The following CC2D1B variants were observed in gnomAD, a reference collection of about 807,000 sequenced individuals.
The protein encoded by CC2D1B is coiled-coil and C2 domain containing 1B, also known as coiled-coil and C2 domain-containing protein 1B.
In CC2D1B, 92 loss-of-function variants were observed where a neutral mutation model predicts 110.8. The ratio of observed to expected loss-of-function variants is 0.83; its 90% CI spans 0.70 to 0.99. CC2D1B has a LOEUF of 0.99. Among genes scored for constraint, CC2D1B ranks in the 50% least tolerant of loss-of-function variants. The pLI is 0.00. For synonymous variants in CC2D1B, 406 were observed against 429.2 expected (o/e 0.95, Z 0.67); for missense variants, 1,136 against 1,089.0 (o/e 1.04, Z -0.61).
intron 2 of CC2D1B, among the ~76,000 whole-genome samples, chr1:52,363,393 T>TC (rs1259848787): frequency 6.1e-4 from 69 of 113,052 alleles, no homozygotes; most frequent in African/African-American, 2.4e-3. Flanking sequence ...AGACTCCGTC[T>TC]CAAAAAAAAA....
At position 52,352,538 on chromosome 1, in the gene CC2D1B, A is replaced by G. The variant is rs548039561; in HGVS notation, c.*687T>C. The stretch of plus-strand genomic sequence containing the variant: ...CTAGATAAATAAACGTGTCTACATA[A>G]AATTTTATATATATATTTTTTCTTC... On this transcript the variant is annotated 3_prime_UTR_variant, in exon 25 of 25. Coordinates refer to ENST00000284376, the MANE Select transcript of CC2D1B (RefSeq NM_001330585.2). The G allele has an allele frequency of 2.8e-4, 43 of 152,750 alleles. No homozygotes were observed. The highest frequency in any genetic ancestry group is 1.0e-3 in the African/African-American group (42 of 41,576). The allele number at this position is 152,750 out of a possible 1,614,324, so 9.5% of individuals were successfully genotyped here.
intron 2 of CC2D1B, among the ~76,000 whole-genome samples, chr1:52,363,352 G>A (rs1557556830): frequency 2.1e-5 from 3 of 144,914 alleles, no homozygotes; most frequent in Non-Finnish European, 4.5e-5. Flanking sequence ...CCAAGATGGC[G>A]CCACTGCACT....
At position 52,357,831 on chromosome 1, in the gene CC2D1B, C is replaced by A. The variant is rs748930847; in HGVS notation, c.1529G>T (p.Arg510Leu). ...PARPTVPSSQ[R>L]LPEPRASSSK... ...ACTTGAGGCCCTGGGCTCAGGCAGG[C>A]GCTGGGATGAAGGGACTGTGGGCCG... The change falls in exon 14 of 25, where the codon CGC becomes CTC. Residue 510 changes from arginine to leucine, a missense_variant. Physicochemically the swap from Arg to Leu is moderately radical, Grantham distance 102. Coordinates refer to ENST00000284376, the MANE Select transcript of CC2D1B (RefSeq NM_001330585.2). 1.6e-5 allele frequency: 26 copies of A among 1,593,802 alleles called. No homozygotes were observed. The highest frequency in any genetic ancestry group is 2.1e-5 in the Non-Finnish European group (24 of 1,170,620).
At chr1:52,359,392 G>T (rs917873757) in intron 9 of CC2D1B, 35 bp from the exon 10 acceptor site, 2 of 1,612,524 alleles carry the variant, frequency 1.2e-6, no homozygotes, top group Admixed American at 1.7e-5. Flanking sequence ...AGGTGGGAGG[G>T]CCTGGCCAGC....
chr1:52,356,440 C>G lies in CC2D1B; in HGVS notation c.1881G>C (p.Lys627Asn), dbSNP rs1156771247. 1 of 1,614,242 alleles carries G rather than the reference C, an allele frequency of 6.2e-7. No individual in the cohort carries two copies. Among genetic ancestry groups the G allele is most frequent in the Admixed American group, 1.7e-5 (1 of 60,030 alleles). The change falls in exon 17 of 25, where the codon AAG (lysine) becomes AAC (asparagine). Residue 627 changes from lysine (K) to asparagine (N), a missense_variant and splice_region_variant. Lys to Asn is a moderately conservative substitution (Grantham distance 94). Transcript: ENST00000284376. The stretch of plus-strand genomic sequence containing the variant: ...TGAACTGCTTGGAGAACAGCAGGCA[C>G]TTCTGAAAATAGAGGCCCAGAGTGA... Reference protein sequence around the residue: ...LQKMLLEQQEKCLLFSKQFMH... With the variant: ...LQKMLLEQQENCLLFSKQFMH...
intron 23 of CC2D1B, 198 bp from the exon 24 acceptor site, chr1:52,353,845 A>T: frequency 1.9e-6 from 1 of 519,558 alleles, no homozygotes; most frequent in Non-Finnish European, 3.4e-6. Flanking sequence ...GTCTTATTAA[A>T]AAAGTAATAA....
At position 52,355,776 on chromosome 1, in the gene CC2D1B, G is replaced by T. The variant is rs769517590; in HGVS notation, c.2123C>A (p.Pro708His). The change falls in exon 19 of 25, where the codon CCT becomes CAT. Residue 708 changes from proline (P) to histidine (H), a missense_variant. Transcript: ENST00000284376. Reference protein sequence around the residue: ...IIVRGMNLPAPPGVTPDDLDA... With the variant: ...IIVRGMNLPAHPGVTPDDLDA... ...AGGGGCGGCCCTAGGGTTACCTGGA[G>T]GGGCTGGGAGGTTCATTCCCCGGAC... 6 of 1,614,154 alleles carry T rather than the reference G, an allele frequency of 3.7e-6. No homozygotes were observed. The South Asian group carries it at 6.6e-5, about 18-fold the overall frequency.
At position 52,364,646 on chromosome 1, in the gene CC2D1B, T is replaced by C. The variant is rs200621327; in HGVS notation, c.-14-12A>G. On this transcript the variant is annotated splice_polypyrimidine_tract_variant and intron_variant, in intron 1 of 24. Transcript: ENST00000284376. ...GGCAGCCTAGATACCTATGGAAGAG[T>C]TACAGAGATTCAGGCTGGAGTAGCC... is the stretch of plus-strand genomic sequence containing the variant. 1.3e-6 allele frequency: 2 copies of C among 1,575,696 alleles called. No homozygotes were observed. Among genetic ancestry groups the C allele is most frequent in the East Asian group, 4.5e-5 (2 of 44,196 alleles).
At chr1:52,356,536 T>A in intron 16 of CC2D1B, 94 bp from the exon 17 acceptor site, 3 of 1,339,662 alleles carry the variant, frequency 2.2e-6, no homozygotes, top group Non-Finnish European at 3.2e-6. Flanking sequence ...TCAACTTTCC[T>A]CTGTAGCCTC....
Position 52,358,417 on chromosome 1 carries a change from C to G in CC2D1B, c.1375G>C (p.Glu459Gln). ...PGLESTMGVE[E>Q]DAVAATLAAA... ...GCCAATGTCGCTGCCACTGCGTCCT[C>G]CTCAACACCCATAGTGGACTCCAGG... is the stretch of plus-strand genomic sequence containing the variant. The change falls in exon 13 of 25, where the codon GAG (glutamate) becomes CAG (glutamine). Residue 459 changes from glutamate to glutamine, a missense_variant. By Grantham distance (29) the Glu-to-Gln change is conservative. Transcript: ENST00000284376. 6.2e-7 allele frequency: 1 copy of G among 1,614,148 alleles called. No homozygotes were observed. Among genetic ancestry groups the G allele is most frequent in the East Asian group, 2.2e-5 (1 of 44,872 alleles).
chr1:52,364,417 C>G lies in CC2D1B; in HGVS notation c.69+135G>C, dbSNP rs150173791. Reference sequence around the variant, plus strand: ...AGACTAGTAGGAGGGTGTCTAAGGGCTCTGCCACCTCCAGGAGGCACTGCT... The same window carrying G: ...AGACTAGTAGGAGGGTGTCTAAGGGGTCTGCCACCTCCAGGAGGCACTGCT... On this transcript the variant is annotated intron_variant, in intron 2 of 24. Coordinates refer to ENST00000284376, the MANE Select transcript of CC2D1B (RefSeq NM_001330585.2). The G allele has an allele frequency of 6.8e-4, 354 of 519,314 alleles. 3 individuals carry two copies. The East Asian group carries it at 0.01, about 15-fold the overall frequency. The allele number at this position is 519,314 out of a possible 1,614,324, so 32.2% of individuals were successfully genotyped here.
chr1:52,356,377 C>CACTT lies in CC2D1B; in HGVS notation c.1937+3_1937+6dup, dbSNP rs759149174. The stretch of plus-strand genomic sequence containing the variant: ...CCTATGAGCCCAGCCCCAGCCCTTG[C>CACTT]ACTTACCGGGTGGTCTCAGCCACGT... On this transcript the variant is annotated splice_region_variant and intron_variant, in intron 17 of 24. Transcript: ENST00000284376. 31 of 1,614,214 alleles carry CACTT rather than the reference C, an allele frequency of 1.9e-5. No individual in the cohort carries two copies. In the South Asian group the frequency reaches 3.2e-4, roughly 17 times the overall value.
rs763802207 is a variant in CC2D1B at position 52,359,743 on chromosome 1, C to T, written c.904G>A (p.Glu302Lys). 6.2e-7 allele frequency: 1 copy of T among 1,609,558 alleles called. No homozygotes were observed. Among genetic ancestry groups the T allele is most frequent in the South Asian group, 1.1e-5 (1 of 90,076 alleles). ...VAALSAKRAG[E>K]LDRARELMRI... The stretch of plus-strand genomic sequence containing the variant: ...ATGAGCTCTCGGGCACGGTCTAGCT[C>T]TCCAGCCCGCTTGGCACTGAGGGCA... The change falls in exon 8 of 25, where the codon GAG becomes AAG. Residue 302 changes from glutamate (E) to lysine (K), a missense_variant. Coordinates refer to ENST00000284376, the MANE Select transcript of CC2D1B (RefSeq NM_001330585.2).
Position 52,355,456 on chromosome 1 carries a change from A to G in CC2D1B, c.2188-7T>C. ...TGCTTTTTTGAGCCTGGTCCTAAGCAGTGAGGAGGGAGAAGTCAGGACAGC... is the reference window on the plus strand; with the variant it reads ...TGCTTTTTTGAGCCTGGTCCTAAGCGGTGAGGAGGGAGAAGTCAGGACAGC... On this transcript the variant is annotated splice_polypyrimidine_tract_variant and splice_region_variant and intron_variant, in intron 20 of 24. Transcript: ENST00000284376. 1 of 1,614,156 alleles carries G rather than the reference A, an allele frequency of 6.2e-7. No individual in the cohort carries two copies. Among genetic ancestry groups the G allele is most frequent in the Non-Finnish European group, 8.5e-7 (1 of 1,180,026 alleles).
At chr1:52,358,008 T>C in intron 13 of CC2D1B, 110 bp from the exon 14 acceptor site, 1 of 1,434,598 alleles carries the variant, frequency 7.0e-7, no homozygotes, top group Non-Finnish European at 9.3e-7. Context: ...CTGTGTGACC[T>C]GAGATGGGTG....
In CC2D1B at chr1:52,359,846, A is replaced by T. The variant is rs1320109997; in HGVS notation, c.801T>A (p.Ile267=). The T allele has an allele frequency of 1.9e-6, 3 of 1,612,418 alleles. No homozygotes were observed. The highest frequency in any genetic ancestry group is 2.2e-5 in the South Asian group (2 of 90,632). ...CTAAGTCTGAAACGGGCTGGGCAGA[A>T]ATGCCAGGGAGGCTGGTCTCAGGTT... ...PSQPETSLPG[I]SAQPVSDLDP... The change falls in exon 8 of 25, where the codon ATT becomes ATA. Residue 267 remains isoleucine (I), a synonymous_variant. Transcript: ENST00000284376.
chr1:52,360,144 G>A lies in CC2D1B; in HGVS notation c.693C>T (p.Pro231=), dbSNP rs1042603367. The change falls in exon 7 of 25, where the codon CCC becomes CCT. Residue 231 remains proline (P), a synonymous_variant. Coordinates refer to ENST00000284376, the MANE Select transcript of CC2D1B (RefSeq NM_001330585.2). ...TGTTGGCTGGTTCCTGGGGGGCCAG[G>A]GGCCGCTTTCCTAAGGCCACTGGAG... ...IPPPVALGKR[P]LAPQEPANRS... is the part of the protein sequence containing the mutation. 1.2e-6 allele frequency: 2 copies of A among 1,611,804 alleles called. No homozygotes were observed. Among genetic ancestry groups the A allele is most frequent in the South Asian group, 1.1e-5 (1 of 90,798 alleles).
In CC2D1B at chr1:52,355,799, G is replaced by A; in HGVS notation, c.2100C>T (p.Val700=). The change falls in exon 19 of 25, where the codon GTC becomes GTT. Residue 700 remains valine, a synonymous_variant. Transcript: ENST00000284376. ...LNSTEMHLII[V]RGMNLPAPPG... ...GAGGGGCTGGGAGGTTCATTCCCCG[G>A]ACAATGATCAGATGCATTTCTGTGC... 2.5e-6 allele frequency: 4 copies of A among 1,614,108 alleles called. No homozygotes were observed. The highest frequency in any genetic ancestry group is 3.4e-6 in the Non-Finnish European group (4 of 1,180,028).
At position 52,351,468 on chromosome 1, in the gene CC2D1B, A is replaced by G. The variant is rs1464320239; in HGVS notation, c.*1757T>C. The G allele has an allele frequency of 6.6e-6, 1 of 152,142 alleles. No individual in the cohort carries two copies. 9.4% of individuals were successfully genotyped at this position (152,142 alleles called of 1,614,324 possible). The stretch of plus-strand genomic sequence containing the variant: ...CCTTCCAGTCACCTTTCTTTGCTCT[A>G]TAGGTCATCTTATGAAGGCTAATCA... On this transcript the variant is annotated 3_prime_UTR_variant, in exon 25 of 25. Coordinates refer to ENST00000284376, the MANE Select transcript of CC2D1B (RefSeq NM_001330585.2).
Sources: gnomAD v4.1 joint callset for allele counts (sites outside exome capture counted in the v4.1 genomes callset) on GRCh38, gnomAD v4.1.1 for gene constraint, MANE v1.5 for transcripts, NCBI Gene and HGNC (gene_info 2026-07-23, HGNC 2026-07-21) for gene names.